SP6: variants seen among roughly 807,000 people sequenced by gnomAD.
SP6 encodes transcription factor Sp6.
SP6 carries 10 observed loss-of-function variants against 23.4 expected under a neutral mutation model. That is an observed-to-expected ratio of 0.43 (90% CI 0.26 to 0.72). SP6 has a LOEUF of 0.72. Ranked by LOEUF, SP6 falls within the 30% of genes least tolerant of loss-of-function variation. The pLI is 0.23. For missense variants in SP6, 482 were observed against 523.8 expected, an observed-to-expected ratio of 0.92 and a Z score of 0.78; for synonymous variants, 238 against 238.7, an observed-to-expected ratio of 1.00 and a Z score of 0.03.
At chr17:47,872,525 G>A in the SP6 span, among the ~76,000 whole-genome samples, 1 of 152,210 alleles carries the variant, frequency 6.6e-6, no homozygotes, top group Non-Finnish European at 1.5e-5. Flanking sequence ...CGGCGATGGG[G>A]AGGAGGGTAA....
the SP6 span, among the ~76,000 whole-genome samples, chr17:47,870,618 G>A: frequency 4.6e-5 from 7 of 152,124 alleles, no homozygotes; most frequent in East Asian, 1.9e-4. Context: ...ATCAGTTTAC[G>A]GGGTCCTAAG....
In SP6 at chr17:47,848,135, C is replaced by T. The variant is rs760896392; in HGVS notation, c.295G>A (p.Asp99Asn). The change falls in exon 2 of 2, where the codon GAC becomes AAC. Residue 99 changes from aspartate (D) to asparagine (N), a missense_variant. Asp to Asn is a conservative substitution (Grantham distance 23, BLOSUM62 1). Around this residue, in one of 3 missense-constraint regions of SP6, gnomAD observed 330 missense variants for 332.3 expected, o/e 0.99. Transcript: ENST00000536300. This position sits in a 1 kb window ranked among gnomAD's most constrained non-coding sequence, Gnocchi z 5.3. The part of the protein sequence containing the change: ...PGPFSKLLQP[D>N]MSHHYESWFR... ...CACGATTCATAATGGTGTGACATGT[C>T]CGGCTGCAGGAGCTTGGAAAAGGGG... 11 of 1,613,452 alleles carry T rather than the reference C, an allele frequency of 6.8e-6. No homozygotes were observed. The African/African-American group carries it at 9.3e-5, about 14-fold the overall frequency.
At chr17:47,867,701 G>A in the SP6 span, among the ~76,000 whole-genome samples, 2 of 152,158 alleles carry the variant, frequency 1.3e-5, no homozygotes, top group East Asian at 1.9e-4. Flanking sequence ...TTTGGACCAG[G>A]AGCGGAGTAA....
chr17:47,854,790 G>A (rs12452366), upstream of SP6, among the ~76,000 whole-genome samples: 16,783 of 152,118 alleles, frequency 0.11, 1,161 homozygotes, highest in East Asian at 0.22. Context: ...AAACAGGGAC[G>A]TTAGTAGCAA....
the SP6 span, among the ~76,000 whole-genome samples, chr17:47,867,314 G>A: frequency 7.2e-5 from 11 of 152,092 alleles, no homozygotes; most frequent in Non-Finnish European, 1.3e-4. Context: ...AAGCAATGAG[G>A]CTTAGAGAGA....
the SP6 span, among the ~76,000 whole-genome samples, chr17:47,867,126 AC>A: frequency 0.024 from 3,616 of 152,088 alleles, 140 homozygotes; most frequent in African/African-American, 0.082. Context: ...AGGCCGTCAG[AC>A]CCCGTCTTAT....
chr17:47,847,823 C>G lies in SP6; in HGVS notation c.607G>C (p.Asp203His). Residue 203 changes from aspartate to histidine, a missense_variant, in exon 2 of 2, where the codon GAT (aspartate) becomes CAT (histidine). Asp to His is a moderately conservative substitution (Grantham distance 81). Around this residue, in one of 3 missense-constraint regions of SP6, gnomAD observed 330 missense variants for 332.3 expected, o/e 0.99. Coordinates refer to ENST00000536300, the MANE Select transcript of SP6 (RefSeq NM_001258248.2). ...EVAAPESQGL[D>H]SSLDGAARPK... is the part of the protein sequence containing the mutation. Reference sequence around the variant, plus strand: ...CGCGCCGCCCCGTCCAGGCTGGAATCCAGCCCTTGAGACTCCGGGGCGGCT... The same window carrying G: ...CGCGCCGCCCCGTCCAGGCTGGAATGCAGCCCTTGAGACTCCGGGGCGGCT... 28 of 1,527,538 alleles carry G rather than the reference C, an allele frequency of 1.8e-5. No homozygotes were observed. Among genetic ancestry groups the G allele is most frequent in the Non-Finnish European group, 2.4e-5 (27 of 1,141,510 alleles). The allele number at this position is 1,527,538 out of a possible 1,614,324, so 94.6% of individuals were successfully genotyped here.
the SP6 span, among the ~76,000 whole-genome samples, chr17:47,866,084 C>T: frequency 6.6e-6 from 1 of 152,200 alleles, no homozygotes; most frequent in Non-Finnish European, 1.5e-5. Context: ...TCCTCTCCCT[C>T]ACTTCTCCAA....
chr17:47,851,465 G>C (rs1035325331), upstream of SP6, among the ~76,000 whole-genome samples: 4 of 152,130 alleles, frequency 2.6e-5, no homozygotes, highest in Non-Finnish European at 4.4e-5. Context: ...AGCAGAGGAC[G>C]CAGGACTAAG....
At chr17:47,853,850 A>C (rs1400821245), upstream of SP6, among the ~76,000 whole-genome samples, 1 of 151,976 alleles carries the variant, frequency 6.6e-6, no homozygotes, top group South Asian at 2.1e-4. Context: ...TCTGCTGCTC[A>C]CTCAGGGTAC....
the SP6 span, among the ~76,000 whole-genome samples, chr17:47,875,119 G>GCCA: frequency 6.6e-6 from 1 of 152,032 alleles, no homozygotes. Flanking sequence ...CCTGGCATCT[G>GCCA]CCTCCTCCTC....
chr17:47,856,989 C>T (rs531162327), upstream of SP6, among the ~76,000 whole-genome samples: 28 of 152,088 alleles, frequency 1.8e-4, no homozygotes, highest in South Asian at 1.2e-3. Flanking sequence ...CCATAAAGGC[C>T]CTGACAGGTC....
chr17:47,871,558 ACT>A, the SP6 span, among the ~76,000 whole-genome samples: 8 of 150,016 alleles, frequency 5.3e-5, no homozygotes, highest in African/African-American at 2.0e-4. Context: ...TGTGCCTCCA[ACT>A]CTCTGCATAG....
Position 47,848,074 on chromosome 17 carries a change from G to A in SP6, c.356C>T (p.Ser119Leu), listed in dbSNP as rs771877517. The change falls in exon 2 of 2, where the codon TCG becomes TTG. Residue 119 changes from serine (S) to leucine (L), a missense_variant. Around this residue, in one of 3 missense-constraint regions of SP6, gnomAD observed 330 missense variants for 332.3 expected, o/e 0.99. Coordinates refer to ENST00000536300, the MANE Select transcript of SP6 (RefSeq NM_001258248.2). The surrounding 1 kb of genome is among the most constrained non-coding windows in gnomAD (Gnocchi z 5.3). ...RPTHPGAEDG[S>L]WWDLHPGTSW... Reference sequence around the variant, plus strand: ...GGTGCCCGGATGAAGGTCCCACCACGAGCCATCCTCCGCGCCTGGGTGAGT... The same window carrying A: ...GGTGCCCGGATGAAGGTCCCACCACAAGCCATCCTCCGCGCCTGGGTGAGT... The A allele has an allele frequency of 1.2e-6, 2 of 1,613,236 alleles. No homozygotes were observed. The highest frequency in any genetic ancestry group is 1.3e-5 in the African/African-American group (1 of 74,930).
Position 47,848,482 on chromosome 17 carries a change from G to A in SP6, c.-53C>T. On this transcript the variant is annotated 5_prime_UTR_variant, in exon 2 of 2. Transcript: ENST00000536300. The surrounding 1 kb of genome is among the most constrained non-coding windows in gnomAD (Gnocchi z 5.3). ...AGGGACGGTCAGGGGCACCTCAGAC[G>A]GGACCTAAAGGAGGCGAAGAAGCAG... The A allele has an allele frequency of 2.8e-6, 4 of 1,426,968 alleles. No individual in the cohort carries two copies. Among genetic ancestry groups the A allele is most frequent in the African/African-American group, 1.4e-5 (1 of 69,326 alleles). The allele number at this position is 1,426,968 out of a possible 1,614,324, so 88.4% of individuals were successfully genotyped here.
chr17:47,852,746 T>A (rs6503885), upstream of SP6, among the ~76,000 whole-genome samples: 55,265 of 151,656 alleles, frequency 0.36, 10,635 homozygotes, highest in Non-Finnish European at 0.41. Context: ...CACACGTTCT[T>A]ATCCAGAATC....
At chr17:47,864,454 G>A in the SP6 span, 1 of 149,728 alleles carries the variant, frequency 6.7e-6, no homozygotes, top group Non-Finnish European at 1.5e-5. Flanking sequence ...TTTTTGTAGA[G>A]ATGGGTGTCT....
chr17:47,861,356 C>A, the SP6 span, among the ~76,000 whole-genome samples: 2 of 152,228 alleles, frequency 1.3e-5, no homozygotes, highest in Non-Finnish European at 2.9e-5. Context: ...GACACATTCA[C>A]TTGGTTCCAA....
chr17:47,865,282 G>A, the SP6 span: 5 of 152,274 alleles, frequency 3.3e-5, no homozygotes, highest in African/African-American at 1.2e-4. Flanking sequence ...GTGCAAAAGG[G>A]ATTTCCGGGA....
Sources: allele counts gnomAD v4.1 joint callset (sites outside exome capture counted in the v4.1 genomes callset), GRCh38; gene constraint gnomAD v4.1.1; regional missense constraint gnomAD v4.1.1; non-coding constraint Gnocchi (gnomAD v3.1); transcripts MANE v1.5; gene names NCBI Gene and HGNC (gene_info 2026-07-23, HGNC 2026-07-21).